THAP9: variants seen among roughly 807,000 people sequenced by gnomAD.
THAP9 encodes the protein DNA transposase THAP9.
A neutral mutation model predicts 35.7 loss-of-function variants in THAP9; 20 were observed. The ratio of observed to expected loss-of-function variants is 0.56; its 90% CI spans 0.39 to 0.81. The LOEUF is 0.81. Among genes scored for constraint, THAP9 ranks in the 40% least tolerant of loss-of-function variants. The pLI, the probability that THAP9 is intolerant of heterozygous loss-of-function variation, is 0.00. For synonymous variants in THAP9, 335 were observed against 373.7 expected, an observed-to-expected ratio of 0.90 and a Z score of 1.19; for missense variants, 870 against 1,047.4, an observed-to-expected ratio of 0.83 and a Z score of 2.34.
intron 1 of THAP9, chr4:82,901,283 A>G: frequency 1.2e-5 from 5 of 419,648 alleles, no homozygotes; most frequent in South Asian, 8.8e-5. Flanking sequence ...CTGACATTGC[A>G]AGTTCTTAAG....
At chr4:82,906,228 G>A in intron 2 of THAP9, 96 bp from the exon 3 acceptor site, 1 of 1,028,400 alleles carries the variant, frequency 9.7e-7, no homozygotes, top group Non-Finnish European at 1.4e-6. Flanking sequence ...ACTCTCCACA[G>A]CAACCAGATT....
At chr4:82,915,297 C>G (rs1721001227) in intron 4 of THAP9, among the ~76,000 whole-genome samples, 1 of 152,054 alleles carries the variant, frequency 6.6e-6, no homozygotes, top group South Asian at 2.1e-4. Flanking sequence ...TGCCTCATCG[C>G]CCAGGCTGGA....
rs1199924767 is a variant in THAP9, at chr4:82,918,104, G to A, written c.1892G>A (p.Cys631Tyr). ...QVLVTSSSPT[C>Y]MAFQKAYYNL... The stretch of plus-strand genomic sequence containing the variant: ...TTAGTAACAAGTTCTAGCCCTACCT[G>A]CATGGCATTCCAGAAAGCTTACTAT... The change falls in exon 5 of 5, where the codon TGC (cysteine) becomes TAC (tyrosine). Residue 631 changes from cysteine (C) to tyrosine (Y), a missense_variant. Around this residue, in one of 3 missense-constraint regions of THAP9, gnomAD observed 414 missense variants for 500.8 expected, o/e 0.83. Coordinates refer to ENST00000302236, the MANE Select transcript of THAP9 (RefSeq NM_024672.6). 6.2e-7 allele frequency: 1 copy of A among 1,613,956 alleles called. No individual in the cohort carries two copies. The highest frequency in any genetic ancestry group is 8.5e-7 in the Non-Finnish European group (1 of 1,180,004).
intron 3 of THAP9, 118 bp downstream of exon 3, chr4:82,906,745 T>G: frequency 1.0e-6 from 1 of 981,536 alleles, no homozygotes; most frequent in Non-Finnish European, 1.4e-6. Context: ...AGTGAAAGTC[T>G]CAGTAGCTTA....
At chr4:82,903,483 A>G (rs1434553829) in intron 1 of THAP9, 1 of 152,208 alleles carries the variant, frequency 6.6e-6, no homozygotes. Flanking sequence ...CGGCCTCCCA[A>G]AGTGTTGGGA....
chr4:82,906,674 TC>T, intron 3 of THAP9, 47 bp downstream of exon 3: 1 of 1,492,052 alleles, frequency 6.7e-7, no homozygotes, highest in Non-Finnish European at 8.9e-7. Flanking sequence ...TAGCTATTTT[TC>T]TGAGGTACCA....
intron 4 of THAP9, chr4:82,910,741 C>T (rs766031789): frequency 2.0e-6 from 1 of 497,364 alleles, no homozygotes; most frequent in South Asian, 1.6e-5. Flanking sequence ...TTGTGATGGC[C>T]TGGAAGCCAA....
chr4:82,906,025 T>A (rs1720633467), intron 2 of THAP9: 4 of 442,882 alleles, frequency 9.0e-6, no homozygotes, highest in Non-Finnish European at 1.8e-5. Flanking sequence ...TTGTACCTTC[T>A]AAGAACTGCT....
chr4:82,901,102 G>A (rs140506730), intron 1 of THAP9: 1 of 702,894 alleles, frequency 1.4e-6, no homozygotes, highest in East Asian at 2.7e-5. Context: ...GCCGGTTCTC[G>A]CACCGCCTAC....
intron 4 of THAP9, chr4:82,913,548 CT>C (rs1720936651): frequency 6.6e-6 from 1 of 151,634 alleles, no homozygotes. Flanking sequence ...GAGTCATTGT[CT>C]TACTGTTTTT....
chr4:82,918,477 TAAAAAG>T lies in THAP9; in HGVS notation c.2268_2273del (p.Lys757_Lys758del). The stretch of plus-strand genomic sequence containing the variant: ...CTAAAATTGGGTCACTATTATTTGT[TAAAAAG>T]AAGAATGGTTTGCATTTTCCTTCAG... On this transcript the variant is annotated inframe_deletion, in exon 5 of 5. Transcript: ENST00000302236. 3 of 1,614,164 alleles carry T rather than the reference TAAAAAG, an allele frequency of 1.9e-6. No individual in the cohort carries two copies. The highest frequency in any genetic ancestry group is 2.5e-6 in the Non-Finnish European group (3 of 1,180,004).
intron 3 of THAP9, 101 bp downstream of exon 3, chr4:82,906,728 G>T: frequency 1.7e-6 from 2 of 1,175,440 alleles, no homozygotes; most frequent in Non-Finnish European, 2.3e-6. Flanking sequence ...CATGCTTTCA[G>T]TTGGGAAGTG....
At chr4:82,905,037 C>A in intron 2 of THAP9, 106 bp downstream of exon 2, 1 of 993,124 alleles carries the variant, frequency 1.0e-6, no homozygotes, top group Non-Finnish European at 1.5e-6. Flanking sequence ...AAACCCAAGT[C>A]TTAAATCCAG....
At chr4:82,908,117 G>A in intron 4 of THAP9, among the ~76,000 whole-genome samples, 182 bp downstream of exon 4, 1 of 152,024 alleles carries the variant, frequency 6.6e-6, no homozygotes, top group East Asian at 1.9e-4. Flanking sequence ...TGAAAAAATG[G>A]ACTCCCATTA....
intron 1 of THAP9, chr4:82,901,098 T>C: frequency 1.4e-6 from 1 of 706,314 alleles, no homozygotes; most frequent in South Asian, 1.5e-5. Context: ...AATAGCCGGT[T>C]CTCGCACCGC....
Position 82,918,592 on chromosome 4 carries a change from C to G in THAP9, c.2380C>G (p.Gln794Glu). ...RMAIFELVSK[Q>E]RELYLQQKIL... The stretch of plus-strand genomic sequence containing the variant: ...GGCAATTTTTGAACTAGTTTCTAAA[C>G]AAAGGGAATTGTATCTTCAACAGAA... The change falls in exon 5 of 5, where the codon CAA (glutamine) becomes GAA (glutamate). Residue 794 changes from glutamine (Q) to glutamate (E), a missense_variant. Physicochemically the swap from Gln to Glu is conservative, Grantham distance 29. Coordinates refer to ENST00000302236, the MANE Select transcript of THAP9 (RefSeq NM_024672.6). The G allele has an allele frequency of 1.2e-6, 2 of 1,613,982 alleles. No homozygotes were observed. The highest frequency in any genetic ancestry group is 1.7e-6 in the Non-Finnish European group (2 of 1,179,918).
rs372661361 is a variant in THAP9 at position 82,918,249 on chromosome 4, T to C, written c.2037T>C (p.Gly679=). Residue 679 remains glycine (G), a synonymous_variant, in exon 5 of 5, where the codon GGT becomes GGC. Transcript: ENST00000302236. ...TTTGGACAGTTCAACGTCAGTATGG[T>C]GTCAGCGTTACAAAGACTGTCTTTC... ...LALWTVQRQY[G]VSVTKTVFHE... is the part of the protein sequence containing the mutation. 2 of 1,614,070 alleles carry C rather than the reference T, an allele frequency of 1.2e-6. No homozygotes were observed. The highest frequency in any genetic ancestry group is 2.7e-5 in the African/African-American group (2 of 74,936).
Position 82,900,742 on chromosome 4 carries a change from A to G in THAP9, c.-61A>G. On this transcript the variant is annotated 5_prime_UTR_variant, in exon 1 of 5. Coordinates refer to ENST00000302236, the MANE Select transcript of THAP9 (RefSeq NM_024672.6). ...GCCGCAGAGTCAACGGGCGGAGCTA[A>G]AGTGGTCGTGATTCATGCTGTCGCG... 6.3e-7 allele frequency: 1 copy of G among 1,577,468 alleles called. No homozygotes were observed. Among genetic ancestry groups the G allele is most frequent in the Non-Finnish European group, 8.7e-7 (1 of 1,147,900 alleles).
At chr4:82,911,455 A>G (rs552176285) in intron 4 of THAP9, among the ~76,000 whole-genome samples, 2 of 152,150 alleles carry the variant, frequency 1.3e-5, no homozygotes, top group Non-Finnish European at 2.9e-5. Context: ...TTAGCCGGGC[A>G]TGGTGGCAGG....
Sources: gnomAD v4.1 joint callset for allele counts (sites outside exome capture counted in the v4.1 genomes callset) on GRCh38, gnomAD v4.1.1 for gene constraint, gnomAD v4.1.1 regional missense constraint, MANE v1.5 for transcripts, NCBI Gene and HGNC (gene_info 2026-07-23, HGNC 2026-07-21) for gene names.